RABEP1: variants seen among roughly 807,000 people sequenced by gnomAD.
The protein encoded by RABEP1 is rabaptin, RAB GTPase binding effector protein 1.
RABEP1 carries 51 observed loss-of-function variants against 123.4 expected under a neutral mutation model. The observed-to-expected ratio is 0.41, with a 90% CI of 0.33 to 0.52. RABEP1 has a LOEUF of 0.52. Among genes scored for constraint, RABEP1 ranks in the 20% least tolerant of loss-of-function variants. The pLI is 0.16. For synonymous variants in RABEP1, 347 were observed against 355.2 expected, an observed-to-expected ratio of 0.98 and a Z score of 0.26; for missense variants, 888 against 996.3, an observed-to-expected ratio of 0.89 and a Z score of 1.46.
At chr17:5,293,928 G>C (rs899275440) in intron 1 of RABEP1, among the ~76,000 whole-genome samples, 1 of 151,792 alleles carries the variant, frequency 6.6e-6, no homozygotes, top group Non-Finnish European at 1.5e-5. Flanking sequence ...TGTCAAGTTG[G>C]ATCTTCCACA....
chr17:5,347,627 A>G (rs1327744841), intron 6 of RABEP1, among the ~76,000 whole-genome samples: 1 of 152,142 alleles, frequency 6.6e-6, no homozygotes, highest in African/African-American at 2.4e-5. Context: ...TAAGGGGACA[A>G]TTTTGATTTC....
In RABEP1 at chr17:5,304,687, G is replaced by A. The variant is rs535873636; in HGVS notation, c.35-4007G>A. The stretch of plus-strand genomic sequence containing the variant: ...GGGATGTGTGGAACTGTTGACAAAG[G>A]CTGGCATACTGATATTCTCAGCCTT... On this transcript the variant is annotated intron_variant, in intron 1 of 17. Transcript: ENST00000537505. 3.9e-5 allele frequency among the ~76,000 whole-genome samples: 6 copies of A among 152,282 alleles called. No homozygotes were observed. The East Asian group carries it at 1.2e-3, about 29-fold the overall frequency.
chr17:5,365,572 GA>G (rs992478468), intron 11 of RABEP1, among the ~76,000 whole-genome samples: 14 of 146,512 alleles, frequency 9.6e-5, no homozygotes, highest in African/African-American at 1.3e-4. Flanking sequence ...CAACATGAAA[GA>G]AAAAAAAAAC....
intron 1 of RABEP1, among the ~76,000 whole-genome samples, chr17:5,301,411 TA>T (rs1023120202): frequency 3.3e-5 from 5 of 152,150 alleles, no homozygotes; most frequent in African/African-American, 1.2e-4. Context: ...GAAATTTCTT[TA>T]AATGTAAGAA....
chr17:5,282,414 C>A lies in RABEP1; in HGVS notation c.-73C>A. 8.3e-7 allele frequency: 1 copy of A among 1,208,912 alleles called. No individual in the cohort carries two copies. The highest frequency in any genetic ancestry group is 1.1e-6 in the Non-Finnish European group (1 of 920,180). The allele number at this position is 1,208,912 out of a possible 1,614,324, so 74.9% of individuals were successfully genotyped here. ...GGCGGCTCGGTTGACGCCTCCTCCGCCAGCTGAGCCCGCGGGAGCCCAGGA... is the reference window on the plus strand; with the variant it reads ...GGCGGCTCGGTTGACGCCTCCTCCGACAGCTGAGCCCGCGGGAGCCCAGGA... On this transcript the variant is annotated 5_prime_UTR_variant, in exon 1 of 18. Transcript: ENST00000537505.
chr17:5,327,596 G>A (rs1271253017), intron 2 of RABEP1, among the ~76,000 whole-genome samples: 1 of 152,136 alleles, frequency 6.6e-6, no homozygotes, highest in Non-Finnish European at 1.5e-5. Context: ...CATATGGATG[G>A]ATTGGGGATG....
At chr17:5,309,440 G>A (rs2075213880) in intron 2 of RABEP1, among the ~76,000 whole-genome samples, 1 of 152,058 alleles carries the variant, frequency 6.6e-6, no homozygotes, top group Non-Finnish European at 1.5e-5. Flanking sequence ...GATCACCTGA[G>A]GTCGGGAGTT....
At chr17:5,306,918 C>T (rs1397886107) in intron 1 of RABEP1, among the ~76,000 whole-genome samples, 1 of 152,074 alleles carries the variant, frequency 6.6e-6, no homozygotes, top group African/African-American at 2.4e-5. Flanking sequence ...GTATGAGTAC[C>T]ATAATAAAGT....
At position 5,385,797 on chromosome 17, in the gene RABEP1, G is replaced by A. The variant is rs1456704889; in HGVS notation, c.*2574G>A. Reference sequence around the variant, plus strand: ...AGAAGAAAGTGTTCAAATTAAAAAAGCTGCTGCCAAGTACACTGTGTGGTC... The same window carrying A: ...AGAAGAAAGTGTTCAAATTAAAAAAACTGCTGCCAAGTACACTGTGTGGTC... On this transcript the variant is annotated 3_prime_UTR_variant, in exon 18 of 18. Coordinates refer to ENST00000537505, the MANE Select transcript of RABEP1 (RefSeq NM_004703.6). The A allele has an allele frequency of 1.3e-5, 3 of 238,596 alleles. No individual in the cohort carries two copies. The highest frequency in any genetic ancestry group is 5.6e-5 in the Admixed American group (1 of 17,912). The allele number at this position is 238,596 out of a possible 1,614,324, so 14.8% of individuals were successfully genotyped here.
At chr17:5,365,622 T>G (rs1909943345) in intron 11 of RABEP1, among the ~76,000 whole-genome samples, 1 of 151,972 alleles carries the variant, frequency 6.6e-6, no homozygotes, top group African/African-American at 2.4e-5. Context: ...CCAACATCTG[T>G]GTAACCACCA....
chr17:5,382,762 AAAAGC>A (rs1358038979), intron 17 of RABEP1, among the ~76,000 whole-genome samples: 1 of 152,002 alleles, frequency 6.6e-6, no homozygotes, highest in East Asian at 1.9e-4. Context: ...GAGGAAAAGA[AAAAGC>A]AAGCAAGCCA....
chr17:5,284,328 A>G (rs1442691639), intron 1 of RABEP1, among the ~76,000 whole-genome samples: 2 of 152,118 alleles, frequency 1.3e-5, no homozygotes, highest in East Asian at 1.9e-4. Context: ...CTAGGATGAG[A>G]TTTAGTTTGC....
At chr17:5,376,974 A>T in intron 13 of RABEP1, 142 bp from the exon 14 acceptor site, 1 of 795,460 alleles carries the variant, frequency 1.3e-6, no homozygotes, top group Non-Finnish European at 2.0e-6. Flanking sequence ...ACCTGCCCTG[A>T]AGCTCTAAGT....
intron 3 of RABEP1, among the ~76,000 whole-genome samples, chr17:5,334,697 G>C (rs62075131): frequency 0.49 from 74,273 of 152,038 alleles, 19,572 homozygotes; most frequent in African/African-American, 0.7. Flanking sequence ...AAGAGAAAGC[G>C]ATTTTTTTAA....
intron 1 of RABEP1, among the ~76,000 whole-genome samples, chr17:5,303,765 G>A (rs922471228): frequency 6.6e-6 from 1 of 152,130 alleles, no homozygotes; most frequent in Non-Finnish European, 1.5e-5. Flanking sequence ...AGGTGTGGTG[G>A]CTCACACCTA....
chr17:5,343,402 AAATT>A (rs1380946971), intron 5 of RABEP1, among the ~76,000 whole-genome samples: 1 of 151,998 alleles, frequency 6.6e-6, no homozygotes, highest in African/African-American at 2.4e-5. Flanking sequence ...AAAAATACAA[AAATT>A]AGCCAGATGT....
chr17:5,385,532 C>G lies in RABEP1; in HGVS notation c.*2309C>G, dbSNP rs1911884999. The G allele has an allele frequency of 1.3e-5, 3 of 230,796 alleles. No homozygotes were observed. The highest frequency in any genetic ancestry group is 3.6e-4 in the South Asian group (2 of 5,496). 14.3% of individuals were successfully genotyped at this position (230,796 alleles called of 1,614,324 possible). A position where few individuals can be genotyped will look rare whatever the true frequency, so the allele number is the denominator to read the frequency against. ...AAGATGACTTAAGGTGAAGTGAGGA[C>G]AAAATCACATTCTGCATACTAACCT... On this transcript the variant is annotated 3_prime_UTR_variant, in exon 18 of 18. Coordinates refer to ENST00000537505, the MANE Select transcript of RABEP1 (RefSeq NM_004703.6).
chr17:5,321,939 C>T (rs1487960852), intron 2 of RABEP1, among the ~76,000 whole-genome samples: 2 of 152,178 alleles, frequency 1.3e-5, no homozygotes, highest in Non-Finnish European at 2.9e-5. Flanking sequence ...TGGCTCACGC[C>T]TCTAATCCCA....
chr17:5,334,918 G>T (rs1906918435), intron 3 of RABEP1, among the ~76,000 whole-genome samples: 1 of 152,074 alleles, frequency 6.6e-6, no homozygotes. Flanking sequence ...ATGAAACATT[G>T]GCCAGACTAT....
Sources: allele counts gnomAD v4.1 joint callset (sites outside exome capture counted in the v4.1 genomes callset), GRCh38; gene constraint gnomAD v4.1.1; transcripts MANE v1.5; gene names NCBI Gene and HGNC (gene_info 2026-07-23, HGNC 2026-07-21).